The following BCKDHB variants were observed in gnomAD, a reference collection of about 807,000 sequenced individuals.
BCKDHB encodes the protein 2-oxoisovalerate dehydrogenase subunit beta, mitochondrial.
BCKDHB carries 41 observed loss-of-function variants against 48.5 expected under a neutral mutation model. The observed-to-expected ratio is 0.85, with a 90% CI of 0.66 to 1.10. BCKDHB has a LOEUF of 1.10. Among genes scored for constraint, BCKDHB ranks in the 50% least tolerant of loss-of-function variants. The pLI, the probability that BCKDHB is intolerant of heterozygous loss-of-function variation, is 0.00. For missense variants in BCKDHB, 496 were observed against 494.2 expected, an observed-to-expected ratio of 1.00 and a Z score of -0.03; for synonymous variants, 201 against 174.8, an observed-to-expected ratio of 1.15 and a Z score of -1.18.
intron 9 of BCKDHB, among the ~76,000 whole-genome samples, chr6:80,306,154 T>G (rs1392145839): frequency 6.6e-6 from 1 of 152,238 alleles, no homozygotes; most frequent in Non-Finnish European, 1.5e-5. Context: ...TACACCTTTA[T>G]TCTTTTCATC....
At chr6:80,392,648 G>A in the BCKDHB span, among the ~76,000 whole-genome samples, 1 of 151,340 alleles carries the variant, frequency 6.6e-6, no homozygotes, top group Non-Finnish European at 1.5e-5. Context: ...TGATTTTCTT[G>A]TAATTTTTTT....
intron 2 of BCKDHB, among the ~76,000 whole-genome samples, chr6:80,128,285 A>T (rs1770446181): frequency 6.6e-6 from 1 of 152,062 alleles, no homozygotes; most frequent in South Asian, 2.1e-4. Context: ...AAAACAGGTT[A>T]TTTTTTAGGG....
chr6:80,396,037 G>A, the BCKDHB span, among the ~76,000 whole-genome samples: 127 of 152,332 alleles, frequency 8.3e-4, 2 homozygotes, highest in East Asian at 0.018. Context: ...TGTCCAGGCA[G>A]AAGTTTGCTG....
intron 9 of BCKDHB, among the ~76,000 whole-genome samples, chr6:80,333,246 ATGT>A (rs1769411063): frequency 1.3e-5 from 2 of 152,106 alleles, no homozygotes; most frequent in African/African-American, 4.8e-5. Context: ...ATACCAGCAA[ATGT>A]TGTACACCTG....
the BCKDHB span, among the ~76,000 whole-genome samples, chr6:80,454,623 C>T: frequency 6.6e-6 from 1 of 152,120 alleles, no homozygotes; most frequent in East Asian, 1.9e-4. Flanking sequence ...TCCATAGAGA[C>T]CTGGATAGAG....
intron 9 of BCKDHB, among the ~76,000 whole-genome samples, chr6:80,333,013 C>A (rs1161638923): frequency 6.6e-6 from 1 of 152,070 alleles, no homozygotes; most frequent in African/African-American, 2.4e-5. Flanking sequence ...GACCCCCTAG[C>A]TCCCCCAAAA....
chr6:80,348,390 C>T (rs1380568720), downstream of BCKDHB, among the ~76,000 whole-genome samples: 13 of 152,160 alleles, frequency 8.5e-5, no homozygotes, highest in Non-Finnish European at 1.5e-5. Flanking sequence ...TGGTTTCTGG[C>T]TGCCTAGCAT....
chr6:80,320,729 AT>A (rs1768675245), intron 9 of BCKDHB, among the ~76,000 whole-genome samples: 1 of 152,178 alleles, frequency 6.6e-6, no homozygotes, highest in Non-Finnish European at 1.5e-5. Flanking sequence ...GGCAATTATG[AT>A]TTTTGCAAAT....
intron 8 of BCKDHB, among the ~76,000 whole-genome samples, chr6:80,249,310 T>C (rs1776742721): frequency 6.6e-6 from 1 of 152,080 alleles, no homozygotes; most frequent in South Asian, 2.1e-4. Flanking sequence ...CACATTAACT[T>C]TTATGTTCCA....
At chr6:80,305,768 CT>C (rs1767843004) in intron 9 of BCKDHB, among the ~76,000 whole-genome samples, 1 of 152,174 alleles carries the variant, frequency 6.6e-6, no homozygotes, top group African/African-American at 2.4e-5. Context: ...CCTGTTCTGC[CT>C]CTCACCTACC....
chr6:80,280,198 A>G (rs758207860), intron 9 of BCKDHB, among the ~76,000 whole-genome samples: 3 of 152,214 alleles, frequency 2.0e-5, no homozygotes, highest in Non-Finnish European at 2.9e-5. Context: ...GCCAGCTCAC[A>G]TAGATGTAAC....
chr6:80,419,411 G>A, the BCKDHB span, among the ~76,000 whole-genome samples: 2 of 152,148 alleles, frequency 1.3e-5, no homozygotes, highest in African/African-American at 4.8e-5. Context: ...GAGACCGGCA[G>A]ACCAAGAGCT....
At chr6:80,143,902 C>T (rs1771340836) in intron 3 of BCKDHB, among the ~76,000 whole-genome samples, 1 of 152,118 alleles carries the variant, frequency 6.6e-6, no homozygotes, top group Non-Finnish European at 1.5e-5. Context: ...TAAGGAATTT[C>T]TTCTCCGTTT....
At chr6:80,358,528 A>G in the BCKDHB span, among the ~76,000 whole-genome samples, 1 of 152,244 alleles carries the variant, frequency 6.6e-6, no homozygotes. Flanking sequence ...ACACAATGGA[A>G]TATTATTCTA....
chr6:80,311,324 A>G (rs1259942487), intron 9 of BCKDHB, among the ~76,000 whole-genome samples: 1 of 152,168 alleles, frequency 6.6e-6, no homozygotes, highest in African/African-American at 2.4e-5. Flanking sequence ...GTATGCCTTT[A>G]TGAGCAATGG....
chr6:80,415,421 G>A, the BCKDHB span, among the ~76,000 whole-genome samples: 1 of 152,056 alleles, frequency 6.6e-6, no homozygotes, highest in East Asian at 1.9e-4. Context: ...GTCATAGATG[G>A]TCCTTATTAT....
the BCKDHB span, among the ~76,000 whole-genome samples, chr6:80,430,850 G>A: frequency 6.6e-6 from 1 of 151,832 alleles, no homozygotes; most frequent in African/African-American, 2.4e-5. Flanking sequence ...GTTATTTCTT[G>A]TCTTCTGCTA....
the BCKDHB span, among the ~76,000 whole-genome samples, chr6:80,422,788 A>T: frequency 2.1e-4 from 32 of 152,314 alleles, no homozygotes; most frequent in African/African-American, 7.2e-4. Context: ...CATTTACCCA[A>T]TGCCTCTACC....
chr6:80,448,085 G>A, the BCKDHB span, among the ~76,000 whole-genome samples: 1 of 152,134 alleles, frequency 6.6e-6, no homozygotes, highest in Non-Finnish European at 1.5e-5. Context: ...TTATGTGACT[G>A]GGTGGTATAT....
Sources: allele counts gnomAD v4.1 joint callset (sites outside exome capture counted in the v4.1 genomes callset), GRCh38; gene constraint gnomAD v4.1.1; transcripts MANE v1.5; gene names NCBI Gene and HGNC (gene_info 2026-07-23, HGNC 2026-07-21).